Variants in CFAP161 observed in about 807,000 individuals in gnomAD.
The protein encoded by CFAP161 is cilia- and flagella-associated protein 161.
CFAP161 carries 25 observed loss-of-function variants against 29.0 expected under a neutral mutation model. That is an observed-to-expected ratio of 0.86 (90% CI 0.63 to 1.20). The LOEUF (loss-of-function observed/expected upper bound fraction) is 1.20, where lower values mean the gene tolerates loss of function less well. CFAP161 is among the 50% of genes most tolerant of loss of function. CFAP161 has a pLI of 0.00. For missense variants in CFAP161, 367 were observed against 371.9 expected (o/e 0.99, Z 0.11); for synonymous variants, 116 against 137.4 (o/e 0.84, Z 1.09).
intron 1 of CFAP161, among the ~76,000 whole-genome samples, chr15:81,124,991 A>C (rs1032017584): frequency 2.0e-5 from 3 of 151,966 alleles, no homozygotes; most frequent in Non-Finnish European, 2.9e-5. Flanking sequence ...TCAGTTAAAA[A>C]ATTTTTTTTA....
chr15:81,116,195 G>T (rs959175658), intron 1 of CFAP161, among the ~76,000 whole-genome samples: 1 of 152,144 alleles, frequency 6.6e-6, no homozygotes, highest in African/African-American at 2.4e-5. Flanking sequence ...GTGGAATTTC[G>T]GTTACACCAT....
chr15:81,138,917 G>C (rs963480491), intron 4 of CFAP161, among the ~76,000 whole-genome samples: 2 of 152,194 alleles, frequency 1.3e-5, no homozygotes, highest in African/African-American at 4.8e-5. Flanking sequence ...AGCAGAGCTA[G>C]TACTATATCA....
intron 2 of CFAP161, among the ~76,000 whole-genome samples, 195 bp from the exon 3 acceptor site, chr15:81,136,321 C>T (rs964633896): frequency 6.6e-6 from 1 of 152,032 alleles, no homozygotes; most frequent in African/African-American, 2.4e-5. Context: ...CAGCTTTATT[C>T]GACTTCATTT....
rs530144270 is a variant in CFAP161 at position 81,104,473 on chromosome 15, A to G, written c.-141-23117A>G. Among the ~76,000 whole-genome samples, 6 of 152,334 alleles carry G rather than the reference A, an allele frequency of 3.9e-5. No homozygotes were observed. The South Asian group carries it at 1.2e-3, about 32-fold the overall frequency. On this transcript the variant is annotated intron_variant, in intron 1 of 4. Transcript: ENST00000560091. ...CTACTTTAAAGACAGCAAGTATTCC[A>G]CAAGGAGCTGCAAGGAAGGTATCCT...
chr15:81,099,851 C>A (rs1894281973), intron 1 of CFAP161, among the ~76,000 whole-genome samples: 1 of 151,980 alleles, frequency 6.6e-6, no homozygotes, highest in South Asian at 2.1e-4. Flanking sequence ...TTTATTAGAC[C>A]TAAAGGTAGG....
At chr15:81,141,007 T>A (rs1018556809) in intron 4 of CFAP161, among the ~76,000 whole-genome samples, 3 of 152,262 alleles carry the variant, frequency 2.0e-5, no homozygotes, top group African/African-American at 7.2e-5. Flanking sequence ...CACTTCTTTG[T>A]CTGAATTATG....
chr15:81,147,493 C>A (rs1895028958), intron 5 of CFAP161, among the ~76,000 whole-genome samples: 1 of 152,066 alleles, frequency 6.6e-6, no homozygotes. Flanking sequence ...TTACACAAAC[C>A]CAGATGGCAT....
intron 1 of CFAP161, among the ~76,000 whole-genome samples, chr15:81,103,795 G>A (rs1894330379): frequency 6.6e-6 from 1 of 152,160 alleles, no homozygotes. Context: ...ACTGGTATCT[G>A]GCTTGAGGGG....
At chr15:81,120,783 CA>C (rs1894562343) in intron 1 of CFAP161, among the ~76,000 whole-genome samples, 1 of 152,088 alleles carries the variant, frequency 6.6e-6, no homozygotes, top group African/African-American at 2.4e-5. Flanking sequence ...TGAGAAGTTT[CA>C]AAAAGGAAAA....
rs140410885 is a variant in CFAP161 at position 81,100,062 on chromosome 15, A to G, written c.-141-27528A>G. On this transcript the variant is annotated intron_variant, in intron 1 of 4. Transcript: ENST00000560091. ...ATTTAAAGCAGTTTGCAAACACTCAATAAGTGTTATAAGAGGAGAAAATTT... is the reference window on the plus strand; with the variant it reads ...ATTTAAAGCAGTTTGCAAACACTCAGTAAGTGTTATAAGAGGAGAAAATTT... Among the ~76,000 whole-genome samples, 23 of 151,992 alleles carry G rather than the reference A, an allele frequency of 1.5e-4. No individual in the cohort carries two copies. The East Asian group carries it at 2.9e-3, about 19-fold the overall frequency.
chr15:81,129,575 C>T (rs1200573693), upstream of CFAP161, among the ~76,000 whole-genome samples: 1 of 152,168 alleles, frequency 6.6e-6, no homozygotes, highest in Non-Finnish European at 1.5e-5. Context: ...CACTGGGTCC[C>T]TCCCACAACA....
intron 1 of CFAP161, among the ~76,000 whole-genome samples, chr15:81,103,067 CATGATG>C: frequency 6.6e-6 from 1 of 151,046 alleles, no homozygotes; most frequent in East Asian, 1.9e-4. Context: ...CGAGGAAGCA[CATGATG>C]ATGATGATGA....
intron 1 of CFAP161, among the ~76,000 whole-genome samples, chr15:81,107,651 G>A (rs1894387998): frequency 6.6e-6 from 1 of 152,184 alleles, no homozygotes; most frequent in South Asian, 2.1e-4. Flanking sequence ...CTTGAACCCA[G>A]GAGGCGGAGG....
chr15:81,136,386 A>G lies in CFAP161; in HGVS notation c.160-130A>G, dbSNP rs185260814. ...GGGGAAGGGAAAGGAAGAAGGAACT[A>G]AGGGTTCGAGGGAATCCAAGTGAAA... On this transcript the variant is annotated intron_variant, in intron 2 of 6. Coordinates refer to ENST00000286732, the MANE Select transcript of CFAP161 (RefSeq NM_173528.4). The G allele has an allele frequency of 2.5e-5, 19 of 768,216 alleles. No homozygotes were observed. The East Asian group carries it at 3.0e-4, about 12-fold the overall frequency. 47.6% of individuals were successfully genotyped at this position (768,216 alleles called of 1,614,324 possible). A position where few individuals can be genotyped will look rare whatever the true frequency, so the allele number is the denominator to read the frequency against.
At chr15:81,117,547 T>TG (rs1894514705) in intron 1 of CFAP161, 1 of 157,006 alleles carries the variant, frequency 6.4e-6, no homozygotes, top group Non-Finnish European at 1.4e-5. Context: ...CAGCTACTTT[T>TG]TTTTTTTTTT....
intron 1 of CFAP161, among the ~76,000 whole-genome samples, chr15:81,113,220 C>T (rs1429433615): frequency 6.6e-6 from 1 of 152,098 alleles, no homozygotes; most frequent in Non-Finnish European, 1.5e-5. Context: ...TGCTCATGCC[C>T]AAGTCTGTGC....
At chr15:81,100,131 G>C (rs1402865335) in intron 1 of CFAP161, among the ~76,000 whole-genome samples, 1 of 151,170 alleles carries the variant, frequency 6.6e-6, no homozygotes, top group Non-Finnish European at 1.5e-5. Flanking sequence ...CTGCATCCCA[G>C]GTTTTTGGTA....
At chr15:81,142,623 A>G (rs1295384762) in intron 4 of CFAP161, among the ~76,000 whole-genome samples, 2 of 152,132 alleles carry the variant, frequency 1.3e-5, no homozygotes, top group African/African-American at 4.8e-5. Flanking sequence ...TTTTGTGCTC[A>G]ATCACCTCTT....
intron 5 of CFAP161, 56 bp downstream of exon 5, chr15:81,143,876 A>T: frequency 6.4e-7 from 1 of 1,564,236 alleles, no homozygotes; most frequent in Non-Finnish European, 8.7e-7. Flanking sequence ...GATGCAATTT[A>T]TTCCTGTCTA....
Sources: gnomAD v4.1 joint callset for allele counts (sites outside exome capture counted in the v4.1 genomes callset) on GRCh38, gnomAD v4.1.1 for gene constraint, MANE v1.5 for transcripts, NCBI Gene and HGNC (gene_info 2026-07-23, HGNC 2026-07-21) for gene names.